Variants in NEK7 observed in about 807,000 individuals in gnomAD.
NEK7 encodes the protein NIMA related kinase 7.
In NEK7, 18 loss-of-function variants were observed where a neutral mutation model predicts 44.6. The observed-to-expected ratio is 0.40, with a 90% CI of 0.28 to 0.60. The LOEUF is 0.60. Among genes scored for constraint, NEK7 ranks in the 20% least tolerant of loss-of-function variants. The pLI is 0.38. For synonymous variants in NEK7, 130 were observed against 121.1 expected, an observed-to-expected ratio of 1.07 and a Z score of -0.48; for missense variants, 256 against 366.5, an observed-to-expected ratio of 0.70 and a Z score of 2.46.
intron 1 of NEK7, among the ~76,000 whole-genome samples, chr1:198,191,898 C>T (rs1665084502): frequency 1.3e-5 from 2 of 152,066 alleles, no homozygotes; most frequent in African/African-American, 4.8e-5. Context: ...GTCTATACTT[C>T]ATCCACTTGC....
At chr1:198,164,231 G>T (rs1157006698) in intron 1 of NEK7, among the ~76,000 whole-genome samples, 1 of 152,202 alleles carries the variant, frequency 6.6e-6, no homozygotes, top group Non-Finnish European at 1.5e-5. Context: ...GGTTGTGAGG[G>T]AGTTTGAGCT....
At chr1:198,235,249 G>A (rs1382908839) in intron 2 of NEK7, among the ~76,000 whole-genome samples, 1 of 152,122 alleles carries the variant, frequency 6.6e-6, no homozygotes, top group Non-Finnish European at 1.5e-5. Context: ...ACCCCATAAT[G>A]TATAATATGT....
chr1:198,173,065 C>G (rs1664499286), intron 1 of NEK7, among the ~76,000 whole-genome samples: 1 of 152,016 alleles, frequency 6.6e-6, no homozygotes, highest in Non-Finnish European at 1.5e-5. Flanking sequence ...AGTAGAGAGA[C>G]TGATATATAG....
intron 3 of NEK7, among the ~76,000 whole-genome samples, chr1:198,255,322 A>G (rs537722287): frequency 3.3e-5 from 5 of 152,264 alleles, no homozygotes; most frequent in East Asian, 3.9e-4. Context: ...ATAGCTGCCA[A>G]TCTGCCACAG....
chr1:198,289,228 T>C (rs546437358), intron 7 of NEK7, among the ~76,000 whole-genome samples: 44 of 152,238 alleles, frequency 2.9e-4, no homozygotes, highest in African/African-American at 1.0e-3. Context: ...GCAAGGAATA[T>C]TCAAAGCTTT....
intron 1 of NEK7, among the ~76,000 whole-genome samples, chr1:198,181,643 T>A (rs1305945230): frequency 1.3e-5 from 2 of 151,986 alleles, no homozygotes; most frequent in Non-Finnish European, 1.5e-5. Context: ...TTTGTGAGAA[T>A]CTCCTCAATA....
Position 198,228,025 on chromosome 1 carries a change from C to T in NEK7, c.-28-4528C>T, listed in dbSNP as rs539748882. The stretch of plus-strand genomic sequence containing the variant: ...AGGTCTAACATTTAAGTCTTTAATC[C>T]ATCTTGAATTAATTTTTGTATAAGG... On this transcript the variant is annotated intron_variant, in intron 1 of 9. Coordinates refer to ENST00000367385, the MANE Select transcript of NEK7 (RefSeq NM_133494.3). Among the ~76,000 whole-genome samples the T allele has an allele frequency of 9.8e-4, 149 of 152,178 alleles. 1 individual carries two copies. Among genetic ancestry groups the T allele is most frequent in the African/African-American group, 3.4e-3 (143 of 41,526 alleles).
chr1:198,216,846 A>G (rs896483039), intron 1 of NEK7, among the ~76,000 whole-genome samples: 1 of 151,990 alleles, frequency 6.6e-6, no homozygotes, highest in African/African-American at 2.4e-5. Context: ...GAGGAAATTG[A>G]TAATTATCAA....
At chr1:198,297,875 G>A (rs754627607) in intron 9 of NEK7, among the ~76,000 whole-genome samples, 1 of 152,136 alleles carries the variant, frequency 6.6e-6, no homozygotes, top group African/African-American at 2.4e-5. Flanking sequence ...ATCTTAGAAG[G>A]CTACCTTATT....
intron 5 of NEK7, among the ~76,000 whole-genome samples, chr1:198,275,460 A>T (rs568661422): frequency 2.1e-4 from 32 of 151,036 alleles, no homozygotes; most frequent in African/African-American, 7.5e-4. Flanking sequence ...TATATAACAA[A>T]TATATGTACA....
intron 9 of NEK7, among the ~76,000 whole-genome samples, chr1:198,297,786 A>G (rs552893325): frequency 2.0e-5 from 3 of 152,326 alleles, no homozygotes; most frequent in African/African-American, 4.8e-5. Flanking sequence ...CCTCACTGCT[A>G]TACTCAGATT....
chr1:198,274,167 T>C (rs895334053), intron 5 of NEK7, among the ~76,000 whole-genome samples: 1 of 150,652 alleles, frequency 6.6e-6, no homozygotes, highest in Non-Finnish European at 1.5e-5. Context: ...ATTCTAGTTC[T>C]CTTATGACTT....
At chr1:198,239,338 C>T (rs984173642) in intron 2 of NEK7, among the ~76,000 whole-genome samples, 22 of 152,234 alleles carry the variant, frequency 1.4e-4, no homozygotes, top group African/African-American at 5.3e-4. Context: ...ATTTTGGACT[C>T]AGATTCAGCC....
At chr1:198,256,591 A>G (rs1653274002) in intron 3 of NEK7, 1 of 1,312,964 alleles carries the variant, frequency 7.6e-7, no homozygotes, top group Non-Finnish European at 1.0e-6. Flanking sequence ...CCTGCTGATC[A>G]TTGAATTCAT....
chr1:198,163,762 T>C (rs1192535896), intron 1 of NEK7, among the ~76,000 whole-genome samples: 2 of 152,216 alleles, frequency 1.3e-5, no homozygotes, highest in African/African-American at 4.8e-5. Flanking sequence ...ACCGTCTTTG[T>C]TGTTAGAATA....
At chr1:198,191,587 T>C (rs1665075313) in intron 1 of NEK7, among the ~76,000 whole-genome samples, 1 of 152,078 alleles carries the variant, frequency 6.6e-6, no homozygotes, top group Non-Finnish European at 1.5e-5. Context: ...CTTTGTACTT[T>C]TTAAATTACC....
At position 198,252,673 on chromosome 1, in the gene NEK7, C is replaced by T. The variant is rs186615722; in HGVS notation, c.58-367C>T. Among the ~76,000 whole-genome samples, 104 of 125,878 alleles carry T rather than the reference C, an allele frequency of 8.3e-4. 4 individuals carry two copies. In the East Asian group the frequency reaches 0.046, roughly 55 times the overall value. 82.6% of individuals were successfully genotyped at this position (125,878 alleles called of 152,430 possible). ...ATATATGTATGTTTATATATTAAAA[C>T]ATATGTATGTTTATGTATTAAAACA... On this transcript the variant is annotated intron_variant, in intron 2 of 9. Transcript: ENST00000367385.
At chr1:198,265,125 C>T (rs1653606109) in intron 5 of NEK7, among the ~76,000 whole-genome samples, 1 of 152,036 alleles carries the variant, frequency 6.6e-6, no homozygotes, top group South Asian at 2.1e-4. Flanking sequence ...CTTGAAGGGA[C>T]AAAGAGTACA....
intron 7 of NEK7, among the ~76,000 whole-genome samples, chr1:198,288,079 G>C (rs1343700304): frequency 6.6e-6 from 1 of 152,118 alleles, no homozygotes; most frequent in Admixed American, 6.5e-5. Context: ...TTGGTGCCAG[G>C]TGCCACCTGT....
Sources: allele counts gnomAD v4.1 joint callset (sites outside exome capture counted in the v4.1 genomes callset), GRCh38; gene constraint gnomAD v4.1.1; transcripts MANE v1.5; gene names NCBI Gene and HGNC (gene_info 2026-07-23, HGNC 2026-07-21).